SEMA3E: variants seen among roughly 807,000 people sequenced by gnomAD.
The protein encoded by SEMA3E is semaphorin 3E.
SEMA3E carries 49 observed loss-of-function variants against 93.6 expected under a neutral mutation model. The ratio of observed to expected loss-of-function variants is 0.52; its 90% CI spans 0.42 to 0.66. The LOEUF (loss-of-function observed/expected upper bound fraction) is 0.66, where lower values mean the gene tolerates loss of function less well. Among genes scored for constraint, SEMA3E ranks in the 30% least tolerant of loss-of-function variants. SEMA3E has a pLI of 0.00. For synonymous variants in SEMA3E, 363 were observed against 330.7 expected (o/e 1.10, Z -1.06); for missense variants, 906 against 964.8 (o/e 0.94, Z 0.81).
At chr7:83,560,900 T>C (rs1351731771) in intron 1 of SEMA3E, among the ~76,000 whole-genome samples, 2 of 151,986 alleles carry the variant, frequency 1.3e-5, no homozygotes, top group Non-Finnish European at 1.5e-5. Context: ...TTCAAACATA[T>C]GGATTGGGGT....
intron 4 of SEMA3E, among the ~76,000 whole-genome samples, chr7:83,431,283 T>C (rs1357201888): frequency 6.6e-6 from 1 of 151,814 alleles, no homozygotes; most frequent in Non-Finnish European, 1.5e-5. Context: ...AATGTCTCTC[T>C]GTATCTGAAA....
intron 4 of SEMA3E, among the ~76,000 whole-genome samples, chr7:83,432,475 A>T (rs1273136092): frequency 6.6e-6 from 1 of 152,226 alleles, no homozygotes; most frequent in East Asian, 1.9e-4. Context: ...TAAAAGTGTG[A>T]AATGGTATAA....
chr7:83,458,873 G>T (rs1206511994), intron 4 of SEMA3E, among the ~76,000 whole-genome samples: 1 of 144,776 alleles, frequency 6.9e-6, no homozygotes, highest in South Asian at 2.1e-4. Context: ...ATGATTATAT[G>T]TTATATATAA....
At chr7:83,476,937 C>T (rs932410539) in intron 2 of SEMA3E, among the ~76,000 whole-genome samples, 1 of 152,128 alleles carries the variant, frequency 6.6e-6, no homozygotes, top group African/African-American at 2.4e-5. Context: ...TTCCGCTGCA[C>T]ATTAACAAGC....
intron 1 of SEMA3E, among the ~76,000 whole-genome samples, chr7:83,506,015 C>CAAAA (rs57051446): frequency 1.1e-5 from 1 of 87,456 alleles, no homozygotes; most frequent in African/African-American, 4.2e-5. Context: ...ACTCCGTCTC[C>CAAAA]AAAAAAAAAA....
intron 4 of SEMA3E, among the ~76,000 whole-genome samples, chr7:83,453,132 A>T (rs1789398941): frequency 6.6e-6 from 1 of 152,072 alleles, no homozygotes; most frequent in African/African-American, 2.4e-5. Context: ...GGTTCAAGCA[A>T]TTCTCCTGTC....
intron 2 of SEMA3E, among the ~76,000 whole-genome samples, chr7:83,485,031 A>G (rs1210614013): frequency 6.6e-6 from 1 of 152,182 alleles, no homozygotes; most frequent in African/African-American, 2.4e-5. Context: ...GCTATTTGGC[A>G]TTATCTTGAC....
At chr7:83,616,260 T>C (rs772527032) in intron 1 of SEMA3E, among the ~76,000 whole-genome samples, 7 of 152,180 alleles carry the variant, frequency 4.6e-5, no homozygotes, top group Non-Finnish European at 8.8e-5. Flanking sequence ...ATTTGGATTA[T>C]TACAAAATTT....
chr7:83,593,817 C>A (rs972080336), intron 1 of SEMA3E, among the ~76,000 whole-genome samples: 1 of 151,980 alleles, frequency 6.6e-6, no homozygotes, highest in Non-Finnish European at 1.5e-5. Context: ...GCCCTCAGTG[C>A]AAGAGCAGTG....
chr7:83,562,764 C>T (rs1792058069), intron 1 of SEMA3E, among the ~76,000 whole-genome samples: 1 of 151,998 alleles, frequency 6.6e-6, no homozygotes, highest in African/African-American at 2.4e-5. Flanking sequence ...CTAGCCTGGG[C>T]TTTTTAGTAG....
rs533411956 is a variant in SEMA3E, at chr7:83,408,829, C to A, written c.551-342G>T. On this transcript the variant is annotated intron_variant, in intron 5 of 16. Transcript: ENST00000643230. ...TATGAGTTTTTGGTAAATACCTTGG[C>A]TTCATTTATTTTCCTAGACTTCTTT... 1.8e-4 allele frequency among the ~76,000 whole-genome samples: 27 copies of A among 152,282 alleles called. No individual in the cohort carries two copies. In the Middle Eastern group the frequency reaches 0.014, roughly 77 times the overall value.
chr7:83,442,259 TAATA>T (rs1307856882), intron 4 of SEMA3E, among the ~76,000 whole-genome samples: 1 of 152,206 alleles, frequency 6.6e-6, no homozygotes, highest in Non-Finnish European at 1.5e-5. Context: ...TTTCTTTAAT[TAATA>T]AATACTTTTC....
chr7:83,639,850 T>C (rs913497437), intron 1 of SEMA3E, among the ~76,000 whole-genome samples: 1 of 151,836 alleles, frequency 6.6e-6, no homozygotes, highest in Non-Finnish European at 1.5e-5. Flanking sequence ...AATACAAGTT[T>C]CAGAAGTGTT....
At chr7:83,632,229 T>A (rs561631836) in intron 1 of SEMA3E, among the ~76,000 whole-genome samples, 1 of 151,166 alleles carries the variant, frequency 6.6e-6, no homozygotes, top group African/African-American at 2.4e-5. Context: ...CTCTGGAGTA[T>A]AAATTCTGGT....
rs188838460 is a variant in SEMA3E, at chr7:83,646,653, C to T, written c.115+1775G>A. Reference sequence around the variant, plus strand: ...GCGGTTTTACTCTCACACCATATGACACCACTCATAACATCAGTTACAATT... The same window carrying T: ...GCGGTTTTACTCTCACACCATATGATACCACTCATAACATCAGTTACAATT... On this transcript the variant is annotated intron_variant, in intron 1 of 16. Coordinates refer to ENST00000643230, the MANE Select transcript of SEMA3E (RefSeq NM_012431.3). 4.8e-3 allele frequency among the ~76,000 whole-genome samples: 724 copies of T among 152,162 alleles called. 4 individuals are homozygous for T. Among genetic ancestry groups the T allele is most frequent in the Admixed American group, 8.6e-3 (131 of 15,252 alleles).
intron 3 of SEMA3E, among the ~76,000 whole-genome samples, chr7:83,467,683 C>T (rs1435346559): frequency 6.6e-6 from 1 of 152,142 alleles, no homozygotes; most frequent in Non-Finnish European, 1.5e-5. Flanking sequence ...TCAAATAAAA[C>T]TTTATTTACA....
chr7:83,367,569 T>C lies in SEMA3E; in HGVS notation c.*17A>G, dbSNP rs372592517. ...CAAATATAAATTCTTCAAAAGACAG[T>C]AGATAGTCTCACCCCATCAGGAGTC... On this transcript the variant is annotated 3_prime_UTR_variant, in exon 17 of 17. Coordinates refer to ENST00000643230, the MANE Select transcript of SEMA3E (RefSeq NM_012431.3). 6 of 1,612,008 alleles carry C rather than the reference T, an allele frequency of 3.7e-6. No individual in the cohort carries two copies. Among genetic ancestry groups the C allele is most frequent in the Non-Finnish European group, 5.1e-6 (6 of 1,178,104 alleles).
At chr7:83,570,328 C>T (rs1035625401) in intron 1 of SEMA3E, among the ~76,000 whole-genome samples, 7 of 151,274 alleles carry the variant, frequency 4.6e-5, no homozygotes, top group Middle Eastern at 3.4e-3. Flanking sequence ...CCGAGGCGGG[C>T]GGATCACGAG....
chr7:83,457,149 T>A lies in SEMA3E; in HGVS notation c.456+9333A>T, dbSNP rs542550479. Among the ~76,000 whole-genome samples, 6 of 152,186 alleles carry A rather than the reference T, an allele frequency of 3.9e-5. No individual in the cohort carries two copies. In the South Asian group the frequency reaches 1.2e-3, roughly 32 times the overall value. The stretch of plus-strand genomic sequence containing the variant: ...ACTCCCTAGACATTCTACCACCACC[T>A]AAATAATGGCACTTTTCAAGTTATT... On this transcript the variant is annotated intron_variant, in intron 4 of 16. Transcript: ENST00000643230.
Sources: allele counts gnomAD v4.1 joint callset (sites outside exome capture counted in the v4.1 genomes callset), GRCh38; gene constraint gnomAD v4.1.1; transcripts MANE v1.5; gene names NCBI Gene and HGNC (gene_info 2026-07-23, HGNC 2026-07-21).